The following SF3B3 variants were observed in gnomAD, a reference collection of about 807,000 sequenced individuals.
The protein encoded by SF3B3 is splicing factor 3b subunit 3, also known as SAP 130.
SF3B3 carries 33 observed loss-of-function variants against 139.2 expected under a neutral mutation model. The observed-to-expected ratio is 0.24, with a 90% CI of 0.18 to 0.32. The LOEUF (loss-of-function observed/expected upper bound fraction) is 0.32, where lower values mean the gene tolerates loss of function less well. SF3B3 is among the 10% of genes least tolerant of loss of function. SF3B3 has a pLI of 1.00. For synonymous variants in SF3B3, 596 were observed against 563.6 expected, an observed-to-expected ratio of 1.06 and a Z score of -0.81; for missense variants, 818 against 1,509.4, an observed-to-expected ratio of 0.54 and a Z score of 7.59.
intron 14 of SF3B3, 97 bp from the exon 15 acceptor site, chr16:70,556,789 A>G: frequency 7.2e-7 from 1 of 1,382,096 alleles, no homozygotes; most frequent in Non-Finnish European, 1.0e-6. Flanking sequence ...GTGCATAAGG[A>G]AGTACTTTTT....
At position 70,574,712 on chromosome 16, in the gene SF3B3, C is replaced by G. The variant is rs941181248; in HGVS notation, c.*2899C>G. ...TTTACCATGTTGGACAGGGTGGTCT[C>G]GAACTCCTGGCCTAAAGTGGTCCAC... is the stretch of plus-strand genomic sequence containing the variant. On this transcript the variant is annotated 3_prime_UTR_variant, in exon 26 of 26. Transcript: ENST00000302516. 1 of 152,148 alleles carries G rather than the reference C, an allele frequency of 6.6e-6. No homozygotes were observed. The highest frequency in any genetic ancestry group is 2.4e-5 in the African/African-American group (1 of 41,434). 9.4% of individuals were successfully genotyped at this position (152,148 alleles called of 1,614,324 possible).
rs375888344 is a variant in SF3B3, at chr16:70,556,140, C to G, written c.1711-39C>G. On this transcript the variant is annotated intron_variant, in intron 13 of 25. Coordinates refer to ENST00000302516, the MANE Select transcript of SF3B3 (RefSeq NM_012426.5). ...TGAATTGGAGCATCTAGACCCATCC[C>G]TCTGTAGTTTTGACCTTGCTGTGTC... 110 of 1,610,962 alleles carry G rather than the reference C, an allele frequency of 6.8e-5. 1 individual carries two copies. In the African/African-American group the frequency reaches 1.3e-3, roughly 18 times the overall value.
intron 3 of SF3B3, among the ~76,000 whole-genome samples, chr16:70,530,268 G>T (rs2050108546): frequency 6.6e-6 from 1 of 150,678 alleles, no homozygotes; most frequent in African/African-American, 2.4e-5. Flanking sequence ...CAAAGTGCTG[G>T]GATTACAGAC....
chr16:70,542,991 G>A (rs2050234102), intron 9 of SF3B3, among the ~76,000 whole-genome samples: 1 of 152,042 alleles, frequency 6.6e-6, no homozygotes, highest in Admixed American at 6.6e-5. Context: ...CCAAAGTGCT[G>A]GGATTATAGG....
chr16:70,566,301 G>C (rs1186623674), intron 20 of SF3B3, among the ~76,000 whole-genome samples: 1 of 151,980 alleles, frequency 6.6e-6, no homozygotes, highest in Non-Finnish European at 1.5e-5. Flanking sequence ...GGTGTCTCAC[G>C]CCTGTAATCC....
chr16:70,525,366 G>C (rs1361358694), intron 1 of SF3B3, among the ~76,000 whole-genome samples: 2 of 152,206 alleles, frequency 1.3e-5, no homozygotes, highest in Admixed American at 1.3e-4. Flanking sequence ...CTGATCCTCC[G>C]AAATGCACCT....
rs71151193 is a variant in SF3B3 at position 70,576,080 on chromosome 16, GT to G, written c.*4280del. ...TTCAAAAAGCCGGGCGTGAAGCCCT[GT>G]TTTTTTTTTTTTAAAAAAAGAGTCT... On this transcript the variant is annotated 3_prime_UTR_variant, in exon 26 of 26. Transcript: ENST00000302516. The G allele has an allele frequency of 3.0e-3, 441 of 145,656 alleles. 1 individual carries two copies. Among genetic ancestry groups the G allele is most frequent in the African/African-American group, 8.6e-3 (340 of 39,746 alleles). 9.0% of individuals were successfully genotyped at this position (145,656 alleles called of 1,614,324 possible).
Position 70,565,122 on chromosome 16 carries a change from GCAT to G in SF3B3, c.2522_2524del (p.Ala841_Phe842delinsVal). The G allele has an allele frequency of 6.2e-7, 1 of 1,614,148 alleles. No individual in the cohort carries two copies. Among genetic ancestry groups the G allele is most frequent in the Non-Finnish European group, 8.5e-7 (1 of 1,180,044 alleles). Reference sequence around the variant, plus strand: ...GGAGCTGGCCGCAGAGATGGCAGCAGCATTCCTCAATGAAAACCTCCCTGAATC... The same window carrying G: ...GGAGCTGGCCGCAGAGATGGCAGCAGTCCTCAATGAAAACCTCCCTGAATC... On this transcript the variant is annotated inframe_deletion, in exon 19 of 26. Coordinates refer to ENST00000302516, the MANE Select transcript of SF3B3 (RefSeq NM_012426.5).
chr16:70,534,431 G>A (rs1280472992), intron 5 of SF3B3, among the ~76,000 whole-genome samples: 1 of 152,142 alleles, frequency 6.6e-6, no homozygotes, highest in Admixed American at 6.5e-5. Flanking sequence ...TGAAATGGAG[G>A]ATATTAAGAC....
Position 70,571,125 on chromosome 16 carries a change from C to T in SF3B3, c.3439C>T (p.His1147Tyr). The T allele has an allele frequency of 6.2e-7, 1 of 1,614,088 alleles. No homozygotes were observed. The highest frequency in any genetic ancestry group is 8.5e-7 in the Non-Finnish European group (1 of 1,179,956). ...TGACTTCTTCCAGCATGTGGAAATG[C>T]ACCTGCGGTCTGAACATCCCCCTCT... ...DHDFFQHVEM[H>Y]LRSEHPPLCG... Residue 1147 changes from histidine (H) to tyrosine (Y), a missense_variant, in exon 25 of 26, where the codon CAC (histidine) becomes TAC (tyrosine). This residue lies in a region of SF3B3 where 44 missense variants were observed against 40.4 expected (regional missense o/e 1.09). Coordinates refer to ENST00000302516, the MANE Select transcript of SF3B3 (RefSeq NM_012426.5).
At chr16:70,566,379 G>C (rs559722307) in intron 20 of SF3B3, among the ~76,000 whole-genome samples, 1 of 151,976 alleles carries the variant, frequency 6.6e-6, no homozygotes, top group Non-Finnish European at 1.5e-5. Flanking sequence ...TCTGGTCAAC[G>C]TGGTGAAATC....
chr16:70,550,884 A>C (rs765777556), intron 11 of SF3B3, among the ~76,000 whole-genome samples: 6 of 152,218 alleles, frequency 3.9e-5, no homozygotes, highest in Non-Finnish European at 8.8e-5. Flanking sequence ...TTCCTCCCAC[A>C]GAATTTGTCA....
chr16:70,566,512 A>G (rs550386227), intron 20 of SF3B3, among the ~76,000 whole-genome samples: 9 of 152,296 alleles, frequency 5.9e-5, no homozygotes, highest in African/African-American at 2.2e-4. Context: ...CAGTGAGCCG[A>G]GATTGCGCCA....
chr16:70,531,055 A>C (rs535833719), intron 4 of SF3B3, 138 bp downstream of exon 4: 1 of 706,478 alleles, frequency 1.4e-6, no homozygotes, highest in East Asian at 2.6e-5. Flanking sequence ...TCATGAGGTC[A>C]GGAGATCGAG....
At chr16:70,542,115 A>T (rs2050224218) in intron 9 of SF3B3, among the ~76,000 whole-genome samples, 2 of 152,180 alleles carry the variant, frequency 1.3e-5, no homozygotes, top group South Asian at 4.1e-4. Flanking sequence ...TCCTCCCCGT[A>T]ATCTTCTCAC....
rs777308809 is a variant in SF3B3, at chr16:70,565,074, G to A, written c.2473G>A (p.Glu825Lys). The A allele has an allele frequency of 6.2e-7, 1 of 1,613,382 alleles. No individual in the cohort carries two copies. The highest frequency in any genetic ancestry group is 8.5e-7 in the Non-Finnish European group (1 of 1,180,012). Residue 825 changes from glutamate (E) to lysine (K), a missense_variant, in exon 19 of 26, where the codon GAA (glutamate) becomes AAA (lysine). Glu to Lys is a moderately conservative substitution (Grantham distance 56). This residue lies in a region of SF3B3 where 25 missense variants were observed against 68.1 expected (regional missense o/e 0.37). Transcript: ENST00000302516. Reference protein sequence around the residue: ...RKQQMAEEMVEAAGEDERELA... With the variant: ...RKQQMAEEMVKAAGEDERELA... ...GTTTTTTTGGGTTTAGGAAATGGTG[G>A]AAGCAGCAGGGGAGGATGAGCGGGA...
At chr16:70,527,959 T>C (rs561208476) in intron 2 of SF3B3, among the ~76,000 whole-genome samples, 16 of 151,942 alleles carry the variant, frequency 1.1e-4, no homozygotes, top group South Asian at 8.3e-4. Context: ...ATATTTTTAG[T>C]AGAGATGAGG....
rs372268485 is a variant in SF3B3 at position 70,530,083 on chromosome 16, G to A, written c.398-662G>A. 5.9e-4 allele frequency among the ~76,000 whole-genome samples: 89 copies of A among 151,420 alleles called. 2 individuals carry two copies. In the East Asian group the frequency reaches 6.6e-3, roughly 11 times the overall value. On this transcript the variant is annotated intron_variant, in intron 3 of 25. Coordinates refer to ENST00000302516, the MANE Select transcript of SF3B3 (RefSeq NM_012426.5). ...AAAGGTTGCAGTGAGCCGAGATAGC[G>A]CTACTGCACTCCAGCCCGGACGACA...
At chr16:70,527,058 A>T (rs2151772953) in intron 2 of SF3B3, 3 of 284,024 alleles carry the variant, frequency 1.1e-5, no homozygotes, top group Middle Eastern at 2.0e-3. Flanking sequence ...CAGGTTGGGT[A>T]AAAAGAATGT....
Sources: gnomAD v4.1 joint callset for allele counts (sites outside exome capture counted in the v4.1 genomes callset) on GRCh38, gnomAD v4.1.1 for gene constraint, gnomAD v4.1.1 regional missense constraint, MANE v1.5 for transcripts, NCBI Gene and HGNC (gene_info 2026-07-23, HGNC 2026-07-21) for gene names.